SPOCK3: variants seen among roughly 807,000 people sequenced by gnomAD.
SPOCK3 encodes the protein SPARC (osteonectin), cwcv and kazal like domains proteoglycan 3, also known as testican-3.
SPOCK3 carries 30 observed loss-of-function variants against 56.6 expected under a neutral mutation model. The ratio of observed to expected loss-of-function variants is 0.53; its 90% confidence interval spans 0.40 to 0.72. The LOEUF (loss-of-function observed/expected upper bound fraction) is 0.72. SPOCK3 is among the 30% of genes least tolerant of loss of function. The probability of loss-of-function intolerance (pLI) is 0.00; values close to 1 mark genes in which losing one functional copy is unlikely to be tolerated. For missense variants in SPOCK3, 527 were observed against 530.0 expected, an observed-to-expected ratio of 0.99 and a Z score of 0.06; for synonymous variants, 196 against 183.3, an observed-to-expected ratio of 1.07 and a Z score of -0.56.
At chr4:166,820,479 T>G (rs1475708213) in intron 6 of SPOCK3, among the ~76,000 whole-genome samples, 1 of 152,018 alleles carries the variant, frequency 6.6e-6, no homozygotes, top group Admixed American at 6.6e-5. Flanking sequence ...TGTTAAGATT[T>G]ATGGTCAATT....
At chr4:167,131,176 T>C (rs1404759866) in intron 2 of SPOCK3, among the ~76,000 whole-genome samples, 1 of 152,040 alleles carries the variant, frequency 6.6e-6, no homozygotes, top group Non-Finnish European at 1.5e-5. Flanking sequence ...TTTATTTTCA[T>C]TGTCCATAGC....
At chr4:166,894,633 G>T (rs1183441401) in intron 5 of SPOCK3, among the ~76,000 whole-genome samples, 4 of 152,148 alleles carry the variant, frequency 2.6e-5, no homozygotes. Context: ...AGGTTAGTAA[G>T]TGTGCAATCC....
intron 3 of SPOCK3, among the ~76,000 whole-genome samples, chr4:167,006,664 G>C (rs1178030917): frequency 6.6e-6 from 1 of 152,064 alleles, no homozygotes; most frequent in African/African-American, 2.4e-5. Flanking sequence ...TCATATGAAA[G>C]CACTATCATT....
chr4:167,163,522 T>C (rs540093191), intron 2 of SPOCK3, among the ~76,000 whole-genome samples: 12 of 152,098 alleles, frequency 7.9e-5, no homozygotes, highest in African/African-American at 2.6e-4. Flanking sequence ...AAACACTAGA[T>C]TTTATTCATC....
chr4:167,102,996 A>G (rs1298476505), intron 2 of SPOCK3, among the ~76,000 whole-genome samples: 1 of 149,920 alleles, frequency 6.7e-6, no homozygotes, highest in African/African-American at 2.5e-5. Flanking sequence ...AGTAAAGAGG[A>G]CTTTGTCTTA....
At chr4:166,988,273 A>T (rs1747381516) in intron 4 of SPOCK3, among the ~76,000 whole-genome samples, 1 of 152,140 alleles carries the variant, frequency 6.6e-6, no homozygotes, top group East Asian at 1.9e-4. Context: ...ATGAGTATTA[A>T]TTAAACTGAT....
At chr4:167,076,342 G>C (rs986131121) in intron 2 of SPOCK3, among the ~76,000 whole-genome samples, 2 of 151,824 alleles carry the variant, frequency 1.3e-5, no homozygotes, top group Admixed American at 1.3e-4. Flanking sequence ...TTGTAACAAA[G>C]TGTGATCACT....
chr4:167,207,689 C>T (rs1432583148), intron 2 of SPOCK3, among the ~76,000 whole-genome samples: 1 of 151,964 alleles, frequency 6.6e-6, no homozygotes, highest in East Asian at 1.9e-4. Context: ...CAAATGTAAA[C>T]CTATTTCAAT....
chr4:167,038,489 CCA>C (rs1257173076), intron 3 of SPOCK3, among the ~76,000 whole-genome samples: 1 of 151,994 alleles, frequency 6.6e-6, no homozygotes, highest in Non-Finnish European at 1.5e-5. Flanking sequence ...GTGATTCACT[CCA>C]CACGTCCCAG....
chr4:167,208,740 A>G (rs181188453), intron 2 of SPOCK3, among the ~76,000 whole-genome samples: 1 of 151,580 alleles, frequency 6.6e-6, no homozygotes, highest in East Asian at 1.9e-4. Context: ...ATATGAGAAA[A>G]TATTTCTGTA....
At chr4:167,176,976 T>C (rs1356488201) in intron 2 of SPOCK3, among the ~76,000 whole-genome samples, 2 of 152,158 alleles carry the variant, frequency 1.3e-5, no homozygotes, top group Admixed American at 6.6e-5. Flanking sequence ...AGCAAATCAG[T>C]TGATGAAGAT....
chr4:166,927,873 A>T (rs1739296454), intron 4 of SPOCK3, among the ~76,000 whole-genome samples: 1 of 152,186 alleles, frequency 6.6e-6, no homozygotes, highest in Admixed American at 6.5e-5. Flanking sequence ...ATAATATAAA[A>T]AACTCAACAA....
At position 167,030,899 on chromosome 4, in the gene SPOCK3, T is replaced by C. The variant is rs575966505; in HGVS notation, c.236-30436A>G. Among the ~76,000 whole-genome samples, 5 of 152,196 alleles carry C rather than the reference T, an allele frequency of 3.3e-5. No homozygotes were observed. The South Asian group carries it at 8.3e-4, about 25-fold the overall frequency. ...TGGCCATCTCTTTATGATGTCAGAC[T>C]GAAGTCAAAAAGCCCATAGCCTGAA... On this transcript the variant is annotated intron_variant, in intron 3 of 10. Transcript: ENST00000357545.
At chr4:166,752,278 C>T (rs1341478226) in intron 8 of SPOCK3, among the ~76,000 whole-genome samples, 1 of 152,090 alleles carries the variant, frequency 6.6e-6, no homozygotes, top group African/African-American at 2.4e-5. Context: ...CCTCCTTGGC[C>T]TCCCAAAGTG....
chr4:166,738,294 T>C (rs979227956), intron 9 of SPOCK3, among the ~76,000 whole-genome samples: 1 of 152,026 alleles, frequency 6.6e-6, no homozygotes, highest in African/African-American at 2.4e-5. Context: ...CATTGTGATA[T>C]CATCTATGGT....
chr4:167,025,011 A>C (rs1225979359), intron 3 of SPOCK3, among the ~76,000 whole-genome samples: 1 of 152,040 alleles, frequency 6.6e-6, no homozygotes, highest in Non-Finnish European at 1.5e-5. Flanking sequence ...GTATCATAAA[A>C]AGCTATCTGG....
At chr4:166,872,075 C>CACAT (rs1491097359) in intron 6 of SPOCK3, among the ~76,000 whole-genome samples, 3 of 104,684 alleles carry the variant, frequency 2.9e-5, no homozygotes, top group Non-Finnish European at 6.5e-5. Flanking sequence ...CACACACACA[C>CACAT]ATATATATAT....
intron 4 of SPOCK3, among the ~76,000 whole-genome samples, chr4:166,937,249 T>A (rs570067493): frequency 1.3e-5 from 2 of 152,036 alleles, no homozygotes; most frequent in Admixed American, 1.3e-4. Context: ...ATAAATGTAA[T>A]ACATTTCTGG....
At chr4:167,079,362 T>G (rs1757503692) in intron 2 of SPOCK3, among the ~76,000 whole-genome samples, 1 of 152,014 alleles carries the variant, frequency 6.6e-6, no homozygotes, top group African/African-American at 2.4e-5. Flanking sequence ...TAATTTATGC[T>G]CCTTGCTGTG....
Sources: gnomAD v4.1 joint callset for allele counts (sites outside exome capture counted in the v4.1 genomes callset) on GRCh38, gnomAD v4.1.1 for gene constraint, MANE v1.5 for transcripts, NCBI Gene and HGNC (gene_info 2026-07-23, HGNC 2026-07-21) for gene names.